The following MATN2 variants were observed in gnomAD, a reference collection of about 807,000 sequenced individuals.
MATN2 encodes the protein matrilin 2.
In MATN2, 69 loss-of-function variants were observed where a neutral mutation model predicts 103.2. That is an observed-to-expected ratio of 0.67 (90% CI 0.55 to 0.82). The LOEUF is 0.82. MATN2 is among the 40% of genes least tolerant of loss of function. The pLI is 0.00. For synonymous variants in MATN2, 429 were observed against 450.2 expected, an observed-to-expected ratio of 0.95 and a Z score of 0.60; for missense variants, 1,023 against 1,211.5, an observed-to-expected ratio of 0.84 and a Z score of 2.31.
intron 3 of MATN2, among the ~76,000 whole-genome samples, chr8:97,935,374 T>C (rs1810341347): frequency 6.6e-6 from 1 of 152,248 alleles, no homozygotes; most frequent in Non-Finnish European, 1.5e-5. Context: ...TAACTCACTT[T>C]ATTCACACAA....
rs150567270 is a variant in MATN2 at position 97,887,253 on chromosome 8, G to A, written c.-26-822G>A. ...TGTAGAAACGAGGCCTTGCTGTGTG[G>A]ACCAGGCTGGTTTCAAACTTCTGGC... is the stretch of plus-strand genomic sequence containing the variant. On this transcript the variant is annotated intron_variant, in intron 1 of 18. Transcript: ENST00000254898. Among the ~76,000 whole-genome samples, 331 of 152,054 alleles carry A rather than the reference G, an allele frequency of 2.2e-3. 2 individuals carry two copies. Among genetic ancestry groups the A allele is most frequent in the African/African-American group, 7.6e-3 (317 of 41,446 alleles).
intron 2 of MATN2, among the ~76,000 whole-genome samples, chr8:97,894,227 A>T (rs1818728578): frequency 1.3e-5 from 2 of 150,996 alleles, no homozygotes; most frequent in Non-Finnish European, 3.0e-5. Context: ...AGAATTCCAG[A>T]GGTGTTCCAG....
chr8:98,035,720 A>C lies in MATN2; in HGVS notation c.*8A>C. 1 of 1,590,278 alleles carries C rather than the reference A, an allele frequency of 6.3e-7. No homozygotes were observed. Among genetic ancestry groups the C allele is most frequent in the Non-Finnish European group, 8.6e-7 (1 of 1,163,116 alleles). ...CGCCTGAGATACAGATGAAGATTAG[A>C]AATCGCGACACATTTGTAGTCATTG... On this transcript the variant is annotated 3_prime_UTR_variant, in exon 19 of 19. Transcript: ENST00000254898.
intron 5 of MATN2, among the ~76,000 whole-genome samples, chr8:97,977,928 C>G (rs1192709242): frequency 2.6e-5 from 4 of 152,138 alleles, no homozygotes; most frequent in Non-Finnish European, 1.5e-5. Flanking sequence ...AGAGGCCTCT[C>G]CTGACCACCT....
chr8:97,941,479 G>A (rs1360759163), intron 3 of MATN2, among the ~76,000 whole-genome samples: 3 of 152,118 alleles, frequency 2.0e-5, no homozygotes, highest in Non-Finnish European at 4.4e-5. Flanking sequence ...CCCACCACAT[G>A]GGTATTATTA....
chr8:97,939,586 G>A (rs989693108), intron 3 of MATN2, among the ~76,000 whole-genome samples: 1 of 152,154 alleles, frequency 6.6e-6, no homozygotes. Context: ...GGAGATTGAG[G>A]CTGCAGCAAG....
At chr8:97,874,361 C>T (rs1210680781) in intron 1 of MATN2, among the ~76,000 whole-genome samples, 2 of 152,018 alleles carry the variant, frequency 1.3e-5, no homozygotes, top group African/African-American at 2.4e-5. Context: ...TCTCTCACTG[C>T]CACACCTCAG....
At chr8:97,988,812 GAAGA>G (rs1812290416) in intron 6 of MATN2, among the ~76,000 whole-genome samples, 1 of 151,926 alleles carries the variant, frequency 6.6e-6, no homozygotes, top group Non-Finnish European at 1.5e-5. Flanking sequence ...AAAAATTGAA[GAAGA>G]AAGAACAATT....
chr8:98,030,423 A>T (rs1813971694), intron 14 of MATN2, 39 bp from the exon 15 acceptor site: 1 of 1,582,518 alleles, frequency 6.3e-7, no homozygotes, highest in Admixed American at 1.8e-5. Context: ...TGGGAACACA[A>T]CTCTAACTAA....
intron 2 of MATN2, among the ~76,000 whole-genome samples, chr8:97,892,365 G>A (rs779522335): frequency 5.5e-5 from 8 of 144,218 alleles, no homozygotes; most frequent in South Asian, 2.2e-4. Context: ...TGAGTGAGCC[G>A]TGATGGTGCC....
chr8:97,912,100 C>A (rs1809466197), intron 2 of MATN2, among the ~76,000 whole-genome samples: 1 of 152,222 alleles, frequency 6.6e-6, no homozygotes, highest in Non-Finnish European at 1.5e-5. Flanking sequence ...TTACACTGCA[C>A]GACCTGCTTC....
intron 2 of MATN2, among the ~76,000 whole-genome samples, chr8:97,908,099 T>G (rs773855975): frequency 1.3e-5 from 2 of 152,188 alleles, no homozygotes; most frequent in Non-Finnish European, 2.9e-5. Flanking sequence ...CTGTAATCAC[T>G]GTGCCTGCTC....
At chr8:98,008,261 CCTT>C in intron 10 of MATN2, among the ~76,000 whole-genome samples, 1 of 152,014 alleles carries the variant, frequency 6.6e-6, no homozygotes, top group South Asian at 2.1e-4. Context: ...TCCCAGACCT[CCTT>C]CTCTCCTTTA....
chr8:97,934,033 C>T (rs1284007606), intron 3 of MATN2, among the ~76,000 whole-genome samples: 1 of 152,220 alleles, frequency 6.6e-6, no homozygotes, highest in Non-Finnish European at 1.5e-5. Context: ...TAGTTGGATG[C>T]TAATTCCAAA....
At chr8:98,016,464 C>T in intron 10 of MATN2, 76 bp from the exon 11 acceptor site, 1 of 1,322,860 alleles carries the variant, frequency 7.6e-7, no homozygotes, top group Non-Finnish European at 1.1e-6. Flanking sequence ...TCTGAAATGT[C>T]TTTTATGATT....
chr8:97,907,999 C>T (rs943922545), intron 2 of MATN2, among the ~76,000 whole-genome samples: 1 of 152,038 alleles, frequency 6.6e-6, no homozygotes, highest in African/African-American at 2.4e-5. Flanking sequence ...ATTAGCTGGG[C>T]GTGGTGGCAG....
chr8:97,929,253 T>C (rs2444902), intron 2 of MATN2, among the ~76,000 whole-genome samples: 150,519 of 152,336 alleles, frequency 0.99, 74,387 homozygotes, highest in Non-Finnish European at 1. Flanking sequence ...GATGACTTCA[T>C]GGGCCTTTCC....
At chr8:98,023,678 A>AT (rs1813682379) in intron 13 of MATN2, among the ~76,000 whole-genome samples, 1 of 152,152 alleles carries the variant, frequency 6.6e-6, no homozygotes, top group Admixed American at 6.6e-5. Flanking sequence ...CTCAAAAAAA[A>AT]TTTTTTTAAT....
intron 6 of MATN2, among the ~76,000 whole-genome samples, chr8:97,994,052 G>GAGAGAAAGAAAGAAAGAA (rs1178206758): frequency 1.4e-5 from 2 of 144,782 alleles, no homozygotes; most frequent in African/African-American, 2.6e-5. Flanking sequence ...AGGAAAGGAA[G>GAGAGAAAGAAAGAAAGAA]AGAGAAAGAA....
Sources: allele counts gnomAD v4.1 joint callset (sites outside exome capture counted in the v4.1 genomes callset), GRCh38; gene constraint gnomAD v4.1.1; transcripts MANE v1.5; gene names NCBI Gene and HGNC (gene_info 2026-07-23, HGNC 2026-07-21).